SLC4A10: variants seen among roughly 807,000 people sequenced by gnomAD.
SLC4A10 encodes solute carrier family 4 member 10.
A neutral mutation model predicts 137.7 loss-of-function variants in SLC4A10; 42 were observed. That is an observed-to-expected ratio of 0.30 (90% CI 0.24 to 0.39). SLC4A10 has a LOEUF of 0.39. Among genes scored for constraint, SLC4A10 ranks in the 10% least tolerant of loss-of-function variants. The pLI is 1.00. For synonymous variants in SLC4A10, 474 were observed against 464.1 expected (o/e 1.02, Z -0.27); for missense variants, 925 against 1,355.0 (o/e 0.68, Z 4.98).
intron 1 of SLC4A10, among the ~76,000 whole-genome samples, chr2:161,740,835 A>T (rs2047806109): frequency 6.6e-6 from 1 of 152,214 alleles, no homozygotes; most frequent in African/African-American, 2.4e-5. Flanking sequence ...TATATGTTTT[A>T]GGTGCCCAGT....
At chr2:161,678,019 C>A (rs971981553) in intron 1 of SLC4A10, among the ~76,000 whole-genome samples, 1 of 152,088 alleles carries the variant, frequency 6.6e-6, no homozygotes, top group Non-Finnish European at 1.5e-5. Context: ...AGATAAGAGG[C>A]CTTTTTTGCC....
intron 3 of SLC4A10, among the ~76,000 whole-genome samples, chr2:161,809,749 T>A (rs987993714): frequency 1.8e-4 from 28 of 152,134 alleles, no homozygotes; most frequent in African/African-American, 6.0e-4. Context: ...CTGTTTTTTG[T>A]ACCAGTACAA....
At chr2:161,920,271 C>G (rs962475893) in intron 15 of SLC4A10, among the ~76,000 whole-genome samples, 1 of 152,104 alleles carries the variant, frequency 6.6e-6, no homozygotes, top group Admixed American at 6.5e-5. Flanking sequence ...AGAATGACAC[C>G]CCGGGGACCT....
intron 2 of SLC4A10, among the ~76,000 whole-genome samples, chr2:161,772,196 GC>G (rs2051706602): frequency 6.6e-6 from 1 of 151,762 alleles, no homozygotes; most frequent in Non-Finnish European, 1.5e-5. Flanking sequence ...ATTTAAGGGA[GC>G]AAAACCTTGA....
At chr2:161,971,563 A>G (rs1423355873) in intron 23 of SLC4A10, among the ~76,000 whole-genome samples, 1 of 152,190 alleles carries the variant, frequency 6.6e-6, no homozygotes, top group African/African-American at 2.4e-5. Flanking sequence ...GCAACTACTC[A>G]GTTAGCTTTA....
In SLC4A10 at chr2:161,942,773, C is replaced by G. The variant is rs1692954220; in HGVS notation, c.1998-19C>G. 3 of 1,569,814 alleles carry G rather than the reference C, an allele frequency of 1.9e-6. No individual in the cohort carries two copies. Among genetic ancestry groups the G allele is most frequent in the Non-Finnish European group, 2.6e-6 (3 of 1,152,666 alleles). On this transcript the variant is annotated intron_variant, in intron 15 of 26. Transcript: ENST00000446997. ...AAAAAGCTACTTATTTCACAAAAGA[C>G]ACTATTTTGCCTTTTCAGGTGTAAC... is the stretch of plus-strand genomic sequence containing the variant.
rs771437643 is a variant in SLC4A10 at position 161,624,545 on chromosome 2, A to C, written c.27A>C (p.Gln9His). Reference sequence around the variant, plus strand: ...TGGAGATTAAAGACCAGGGAGCCCAAATGGAGCCGCTGCTGCCTACGGTAA... The same window carrying C: ...TGGAGATTAAAGACCAGGGAGCCCACATGGAGCCGCTGCTGCCTACGGTAA... MEIKDQGAQMEPLLPTRND... is the reference protein window; with the variant it reads MEIKDQGAHMEPLLPTRND... The change falls in exon 1 of 27, where the codon CAA becomes CAC. Residue 9 changes from glutamine to histidine, a missense_variant. Coordinates refer to ENST00000446997, the MANE Select transcript of SLC4A10 (RefSeq NM_001178015.2). The C allele has an allele frequency of 6.4e-7, 1 of 1,553,670 alleles. No homozygotes were observed. The highest frequency in any genetic ancestry group is 1.4e-5 in the African/African-American group (1 of 73,112).
chr2:161,767,094 C>CATATATATATAT (rs770704286), intron 1 of SLC4A10, among the ~76,000 whole-genome samples: 5 of 40,148 alleles, frequency 1.2e-4, no homozygotes, highest in Non-Finnish European at 2.5e-4. Flanking sequence ...AATTAAGAAG[C>CATATATATATAT]ATATATATAT....
intron 25 of SLC4A10, 126 bp downstream of exon 25, chr2:161,977,002 A>C: frequency 1.8e-6 from 1 of 551,906 alleles, no homozygotes. Flanking sequence ...AATTCTTTCC[A>C]AAAGTGGGTA....
chr2:161,772,673 A>T (rs1390810018), intron 2 of SLC4A10, among the ~76,000 whole-genome samples: 2 of 151,858 alleles, frequency 1.3e-5, no homozygotes, highest in Non-Finnish European at 2.9e-5. Context: ...AACAGTGATT[A>T]AGTCATTGGT....
At position 161,904,048 on chromosome 2, in the gene SLC4A10, A is replaced by T; in HGVS notation, c.1487A>T (p.Tyr496Phe). ...TTAGATATCAAAAGAAAAGCTCCAT[A>T]CTTCTGGAGTGACTTCAGAGATGCT... is the stretch of plus-strand genomic sequence containing the variant. ...LILDIKRKAP[Y>F]FWSDFRDAFS... The change falls in exon 13 of 27, where the codon TAC becomes TTC. Residue 496 changes from tyrosine (Y) to phenylalanine (F), a missense_variant. By Grantham distance (22) the Tyr-to-Phe change is conservative. This residue lies in a region of SLC4A10 where 61 missense variants were observed against 59.0 expected (regional missense o/e 1.03). Transcript: ENST00000446997. 1 of 1,596,226 alleles carries T rather than the reference A, an allele frequency of 6.3e-7. No homozygotes were observed. Among genetic ancestry groups the T allele is most frequent in the South Asian group, 1.1e-5 (1 of 88,168 alleles).
At position 161,800,476 on chromosome 2, in the gene SLC4A10, T is replaced by A. The variant is rs994962397; in HGVS notation, c.131-3973T>A. 1.3e-5 allele frequency among the ~76,000 whole-genome samples: 2 copies of A among 152,174 alleles called. 1 individual carries two copies. The highest frequency in any genetic ancestry group is 4.1e-4 in the South Asian group (2 of 4,830). ...GTCGACAAATCAAAGATACCTGCCT[T>A]GCTTGTATTTACAAACTTTGGGGTT... On this transcript the variant is annotated intron_variant, in intron 2 of 26. Transcript: ENST00000446997.
At chr2:161,692,066 AT>A (rs1208067183) in intron 1 of SLC4A10, among the ~76,000 whole-genome samples, 3 of 152,024 alleles carry the variant, frequency 2.0e-5, no homozygotes, top group Non-Finnish European at 4.4e-5. Context: ...GTTGGGGAAA[AT>A]TTTATTTAGG....
chr2:161,668,271 C>A (rs1475078423), intron 1 of SLC4A10, among the ~76,000 whole-genome samples: 4 of 151,712 alleles, frequency 2.6e-5, no homozygotes, highest in African/African-American at 9.7e-5. Flanking sequence ...GAACATTCCT[C>A]TAAGGAATGG....
chr2:161,863,267 G>A (rs954289835), intron 6 of SLC4A10, among the ~76,000 whole-genome samples: 1 of 152,126 alleles, frequency 6.6e-6, no homozygotes, highest in Admixed American at 6.5e-5. Flanking sequence ...TTTCCTGAAA[G>A]GTTCAGGAAA....
At chr2:161,862,391 A>G (rs2060481135) in intron 5 of SLC4A10, among the ~76,000 whole-genome samples, 1 of 152,216 alleles carries the variant, frequency 6.6e-6, no homozygotes, top group Non-Finnish European at 1.5e-5. Flanking sequence ...GGAAACAAGG[A>G]AATTAGTCTG....
At chr2:161,707,463 C>CTT (rs202011270) in intron 1 of SLC4A10, among the ~76,000 whole-genome samples, 6 of 141,640 alleles carry the variant, frequency 4.2e-5, no homozygotes, top group African/African-American at 1.5e-4. Flanking sequence ...TAATCTTAGT[C>CTT]TTTTTTTTTT....
Position 161,839,755 on chromosome 2 carries a change from A to G in SLC4A10, c.278-34A>G, listed in dbSNP as rs367600206. 38 of 1,610,842 alleles carry G rather than the reference A, an allele frequency of 2.4e-5. No homozygotes were observed. The African/African-American group carries it at 4.8e-4, about 20-fold the overall frequency. ...TTTAAGCTCAGGGTCGTGGTAATACATGTTCATGGTAATACATGTCTCTGA... is the reference window on the plus strand; with the variant it reads ...TTTAAGCTCAGGGTCGTGGTAATACGTGTTCATGGTAATACATGTCTCTGA... On this transcript the variant is annotated intron_variant, in intron 3 of 26. Transcript: ENST00000446997.
intron 2 of SLC4A10, among the ~76,000 whole-genome samples, chr2:161,776,856 GGTGTGTGTGTGTGT>G (rs71009340): frequency 3.9e-4 from 56 of 143,222 alleles, no homozygotes; most frequent in Admixed American, 2.3e-3. Context: ...CTTATTTTCT[GGTGTGTGTGTGTGT>G]GTGTGTGTGT....
Sources: allele counts gnomAD v4.1 joint callset (sites outside exome capture counted in the v4.1 genomes callset), GRCh38; gene constraint gnomAD v4.1.1; regional missense constraint gnomAD v4.1.1; transcripts MANE v1.5; gene names NCBI Gene and HGNC (gene_info 2026-07-23, HGNC 2026-07-21).